The following ABL1 variants were observed in gnomAD, a reference collection of about 807,000 sequenced individuals.
ABL1 encodes the protein ABL proto-oncogene 1, non-receptor tyrosine kinase.
A neutral mutation model predicts 94.7 loss-of-function variants in ABL1; 11 were observed. The observed-to-expected ratio is 0.12, with a 90% confidence interval of 0.07 to 0.19. ABL1 has a LOEUF of 0.19. Ranked by LOEUF, ABL1 falls within the 10% of genes least tolerant of loss-of-function variation. The probability of loss-of-function intolerance (pLI) is 1.00; values close to 1 mark genes in which losing one functional copy is unlikely to be tolerated. For synonymous variants in ABL1, 656 were observed against 622.4 expected, an observed-to-expected ratio of 1.05 and a Z score of -0.80; for missense variants, 1,082 against 1,489.4, an observed-to-expected ratio of 0.73 and a Z score of 4.50.
At chr9:130,761,479 A>G (rs1832114173) in intron 1 of ABL1, among the ~76,000 whole-genome samples, 1 of 152,176 alleles carries the variant, frequency 6.6e-6, no homozygotes, top group African/African-American at 2.4e-5. Context: ...CATTATTCAG[A>G]CCGGAAGGAG....
chr9:130,839,804 T>C (rs1213414504), intron 1 of ABL1, among the ~76,000 whole-genome samples: 1 of 152,172 alleles, frequency 6.6e-6, no homozygotes, highest in Non-Finnish European at 1.5e-5. Flanking sequence ...TGATACGAGA[T>C]TCCTCTGAGA....
At chr9:130,841,676 G>A (rs1395051016) in intron 1 of ABL1, among the ~76,000 whole-genome samples, 1 of 151,928 alleles carries the variant, frequency 6.6e-6, no homozygotes, top group Admixed American at 6.6e-5. Context: ...GCCAGGCGTA[G>A]TGGGGAGTGC....
intron 1 of ABL1, among the ~76,000 whole-genome samples, chr9:130,732,722 G>A (rs1053649751): frequency 7.2e-5 from 11 of 151,886 alleles, no homozygotes; most frequent in African/African-American, 2.4e-4. Flanking sequence ...CCGGGGGTCT[G>A]GTGGATCCCA....
intron 1 of ABL1, among the ~76,000 whole-genome samples, chr9:130,746,552 C>T (rs1008520662): frequency 8.6e-5 from 13 of 150,742 alleles, no homozygotes; most frequent in African/African-American, 2.9e-4. Context: ...TTGAGATTGG[C>T]TTCTTTCACT....
chr9:130,847,849 C>T (rs935276335), intron 1 of ABL1, among the ~76,000 whole-genome samples: 2 of 152,146 alleles, frequency 1.3e-5, no homozygotes, highest in African/African-American at 2.4e-5. Flanking sequence ...CAGCATCTGT[C>T]GACATGTTCG....
intron 4 of ABL1, among the ~76,000 whole-genome samples, chr9:130,871,291 C>T (rs2132992855): frequency 6.6e-6 from 1 of 152,352 alleles, no homozygotes; most frequent in Non-Finnish European, 1.5e-5. Context: ...GGTCAAGGCT[C>T]TGTGTCATGG....
chr9:130,781,916 T>C (rs375195133), intron 1 of ABL1, among the ~76,000 whole-genome samples: 6 of 152,306 alleles, frequency 3.9e-5, no homozygotes. Context: ...CATATTCAGT[T>C]ATGACTTAGC....
chr9:130,827,616 T>A (rs1830441671), intron 1 of ABL1, among the ~76,000 whole-genome samples: 1 of 152,046 alleles, frequency 6.6e-6, no homozygotes, highest in African/African-American at 2.4e-5. Context: ...CTATTCAGCT[T>A]GGGCACCATG....
intron 1 of ABL1, among the ~76,000 whole-genome samples, chr9:130,790,473 A>G (rs1437486224): frequency 1.0e-5 from 1 of 96,756 alleles, no homozygotes; most frequent in Admixed American, 1.0e-4. Flanking sequence ...TATTTTATTT[A>G]TTTATTTATT....
At chr9:130,770,298 G>T (rs1323488921) in intron 1 of ABL1, among the ~76,000 whole-genome samples, 1 of 152,064 alleles carries the variant, frequency 6.6e-6, no homozygotes, top group East Asian at 1.9e-4. Context: ...CTTGAAGCCG[G>T]GAGTTCAAGA....
chr9:130,848,345 G>GAA lies in ABL1; in HGVS notation c.80-5698_80-5697dup, dbSNP rs34112720. Among the ~76,000 whole-genome samples, 616 of 69,712 alleles carry GAA rather than the reference G, an allele frequency of 8.8e-3. 6 individuals carry two copies. Among genetic ancestry groups the GAA allele is most frequent in the African/African-American group, 0.024 (458 of 18,898 alleles). 45.7% of individuals were successfully genotyped at this position (69,712 alleles called of 152,430 possible). A position where few individuals can be genotyped will look rare whatever the true frequency, so the allele number is the denominator to read the frequency against. ...GCAAAACCCCGTCTCTACTGAAAAT[G>GAA]AAAAAAAAAAAAAAAAAAAAAACTT... On this transcript the variant is annotated intron_variant, in intron 1 of 10. Transcript: ENST00000318560.
chr9:130,744,872 A>C (rs1013261570), intron 1 of ABL1, among the ~76,000 whole-genome samples: 4 of 151,456 alleles, frequency 2.6e-5, no homozygotes, highest in African/African-American at 9.7e-5. Context: ...AAAAAAAAAA[A>C]ACAAAACTAT....
At chr9:130,724,773 A>G in intron 1 of ABL1, 1 of 458,722 alleles carries the variant, frequency 2.2e-6, no homozygotes, top group East Asian at 5.6e-5. Flanking sequence ...AAAAAAAAGC[A>G]AATAAATTCT....
rs547649556 is a variant in ABL1 at position 130,880,779 on chromosome 9, C to T, written c.1678+115C>T. Reference sequence around the variant, plus strand: ...AATGGAGCCCGCACAGAAGGGCAGCCATGGCCTTTGTCAATGGTTCAGCTT... The same window carrying T: ...AATGGAGCCCGCACAGAAGGGCAGCTATGGCCTTTGTCAATGGTTCAGCTT... On this transcript the variant is annotated intron_variant, in intron 10 of 10. Coordinates refer to ENST00000318560, the MANE Select transcript of ABL1 (RefSeq NM_005157.6). This position sits in a 1 kb window ranked among gnomAD's most constrained non-coding sequence, Gnocchi z 4.4. 1 of 1,285,480 alleles carries T rather than the reference C, an allele frequency of 7.8e-7. No individual in the cohort carries two copies. The highest frequency in any genetic ancestry group is 1.5e-5 in the African/African-American group (1 of 67,086). 79.6% of individuals were successfully genotyped at this position (1,285,480 alleles called of 1,614,324 possible).
chr9:130,739,222 C>T (rs920874603), intron 1 of ABL1, among the ~76,000 whole-genome samples: 4 of 152,136 alleles, frequency 2.6e-5, no homozygotes, highest in Non-Finnish European at 4.4e-5. Context: ...GCAAGCAGTG[C>T]TTATGTTGTT....
intron 1 of ABL1, among the ~76,000 whole-genome samples, chr9:130,805,627 G>C (rs997098285): frequency 6.6e-6 from 1 of 152,212 alleles, no homozygotes; most frequent in Non-Finnish European, 1.5e-5. Context: ...GAGATAGGAA[G>C]GGCCAGTTCC....
chr9:130,779,441 G>A (rs1484115760), intron 1 of ABL1, among the ~76,000 whole-genome samples: 1 of 152,034 alleles, frequency 6.6e-6, no homozygotes, highest in Non-Finnish European at 1.5e-5. Context: ...TTGACATTAG[G>A]GCTTGCTGAT....
At chr9:130,752,787 C>T (rs1218367199) in intron 1 of ABL1, among the ~76,000 whole-genome samples, 9 of 151,552 alleles carry the variant, frequency 5.9e-5, no homozygotes, top group African/African-American at 1.5e-4. Flanking sequence ...TATGAAACCC[C>T]GTCCCTACTA....
intron 1 of ABL1, among the ~76,000 whole-genome samples, chr9:130,837,936 C>T (rs1281047455): frequency 6.6e-6 from 1 of 152,198 alleles, no homozygotes; most frequent in Non-Finnish European, 1.5e-5. Context: ...TTTCATTGTT[C>T]TATCAAAGAA....
Sources: allele counts gnomAD v4.1 joint callset (sites outside exome capture counted in the v4.1 genomes callset), GRCh38; gene constraint gnomAD v4.1.1; non-coding constraint Gnocchi (gnomAD v3.1); transcripts MANE v1.5; gene names NCBI Gene and HGNC (gene_info 2026-07-23, HGNC 2026-07-21).